ABLIM1: variants seen among roughly 807,000 people sequenced by gnomAD.
The protein encoded by ABLIM1 is actin-binding LIM protein 1.
In ABLIM1, 40 loss-of-function variants were observed where a neutral mutation model predicts 107.0. That is an observed-to-expected ratio of 0.37 (90% CI 0.29 to 0.49). The LOEUF is 0.49. ABLIM1 is among the 20% of genes least tolerant of loss of function. The pLI is 0.97. For missense variants in ABLIM1, 857 were observed against 1,008.5 expected (o/e 0.85, Z 2.04); for synonymous variants, 357 against 357.3 (o/e 1.00, Z 0.01).
chr10:114,798,013 T>C, the ABLIM1 span, among the ~76,000 whole-genome samples: 1 of 152,220 alleles, frequency 6.6e-6, no homozygotes, highest in Middle Eastern at 3.2e-3. Context: ...ACTTATTTGC[T>C]ATTTTACTAT....
intron 1 of ABLIM1, among the ~76,000 whole-genome samples, chr10:114,731,542 ACCTCC>A (rs2082074128): frequency 6.6e-6 from 1 of 151,360 alleles, no homozygotes; most frequent in Non-Finnish European, 1.5e-5. Flanking sequence ...GCTCACTGCA[ACCTCC>A]ACCTCCTAGG....
At chr10:114,617,256 C>CTTTT (rs780987027) in intron 1 of ABLIM1, among the ~76,000 whole-genome samples, 72 of 120,464 alleles carry the variant, frequency 6.0e-4, no homozygotes, top group Non-Finnish European at 9.0e-4. Context: ...TCACTACCTA[C>CTTTT]TTTTTTTTTT....
intron 8 of ABLIM1, among the ~76,000 whole-genome samples, chr10:114,483,161 T>G (rs1377539703): frequency 6.6e-6 from 1 of 152,194 alleles, no homozygotes; most frequent in Non-Finnish European, 1.5e-5. Context: ...AGGAACCCAG[T>G]ATCACGGGAC....
intron 1 of ABLIM1, chr10:114,690,501 C>A: frequency 6.6e-7 from 1 of 1,523,374 alleles, no homozygotes. Context: ...GCCCTTACAA[C>A]CAAATCCTTT....
In ABLIM1 at chr10:114,434,332, A is replaced by ACACACACAC. The variant is rs2059162219; in HGVS notation, c.*1927_*1928insGTGTGTGTG. 8.2e-6 allele frequency: 1 copy of ACACACACAC among 121,506 alleles called. No individual in the cohort carries two copies. Among genetic ancestry groups the ACACACACAC allele is most frequent in the African/African-American group, 3.1e-5 (1 of 31,860 alleles). The allele number at this position is 121,506 out of a possible 1,614,324, so 7.5% of individuals were successfully genotyped here. A position where few individuals can be genotyped will look rare whatever the true frequency, so the allele number is the denominator to read the frequency against. ...ACACACACACACACACACACACACG[A>ACACACACAC]GAGTAGTCCTCATTCAGTGCATAGC... On this transcript the variant is annotated 3_prime_UTR_variant, in exon 23 of 23. Transcript: ENST00000533213.
intron 17 of ABLIM1, among the ~76,000 whole-genome samples, chr10:114,441,997 G>A (rs1258923045): frequency 6.6e-6 from 1 of 152,126 alleles, no homozygotes; most frequent in Non-Finnish European, 1.5e-5. Flanking sequence ...TCAAGTCCAC[G>A]CGGTTGAGTG....
At chr10:114,734,956 C>T (rs903797435) in intron 1 of ABLIM1, among the ~76,000 whole-genome samples, 10 of 152,126 alleles carry the variant, frequency 6.6e-5, no homozygotes, top group Non-Finnish European at 1.5e-4. Flanking sequence ...TGAGAACATG[C>T]TACCTACACT....
At chr10:114,656,333 G>A (rs1299459313) in intron 1 of ABLIM1, among the ~76,000 whole-genome samples, 1 of 150,748 alleles carries the variant, frequency 6.6e-6, no homozygotes, top group Non-Finnish European at 1.5e-5. Context: ...TGGAGAAACT[G>A]GGACCTTAAT....
At chr10:114,533,272 TGGA>T (rs1261519002) in intron 6 of ABLIM1, among the ~76,000 whole-genome samples, 1 of 151,716 alleles carries the variant, frequency 6.6e-6, no homozygotes, top group Non-Finnish European at 1.5e-5. Flanking sequence ...ACCTGGGAGG[TGGA>T]GGTTGCACTG....
chr10:114,457,780 A>G (rs1418801090), intron 12 of ABLIM1, among the ~76,000 whole-genome samples: 1 of 152,242 alleles, frequency 6.6e-6, no homozygotes, highest in Admixed American at 6.5e-5. Flanking sequence ...GTTTAAAAAT[A>G]ATAGGCCGGG....
chr10:114,672,075 C>T lies in ABLIM1; in HGVS notation c.64+12215G>A, dbSNP rs183783571. On this transcript the variant is annotated intron_variant, in intron 1 of 23. Transcript: ENST00000369256. ...TTTAATTTTTTAGGATAGGATCTGG[C>T]TATGTTGCCCGGGCTGGTCTTGAAC... 2.6e-5 allele frequency among the ~76,000 whole-genome samples: 4 copies of T among 152,138 alleles called. No homozygotes were observed. In the East Asian group the frequency reaches 7.7e-4, roughly 29 times the overall value.
upstream of ABLIM1, among the ~76,000 whole-genome samples, chr10:114,689,723 T>C (rs76855924): frequency 0.022 from 3,282 of 152,112 alleles, 39 homozygotes; most frequent in Middle Eastern, 0.054. Context: ...CCTTTTTTTT[T>C]TCTCTTTATG....
At chr10:114,746,046 T>C (rs1218834880) in intron 1 of ABLIM1, among the ~76,000 whole-genome samples, 1 of 152,180 alleles carries the variant, frequency 6.6e-6, no homozygotes, top group East Asian at 1.9e-4. Context: ...GAATACAGTG[T>C]GGAAAGATTA....
chr10:114,664,740 C>T (rs1432537635), intron 1 of ABLIM1, among the ~76,000 whole-genome samples: 3 of 148,990 alleles, frequency 2.0e-5, no homozygotes, highest in Admixed American at 6.7e-5. Context: ...GATGGGGTTT[C>T]ACCATGTTGG....
At chr10:114,636,082 G>A (rs991488790) in intron 1 of ABLIM1, among the ~76,000 whole-genome samples, 1 of 152,314 alleles carries the variant, frequency 6.6e-6, no homozygotes, top group African/African-American at 2.4e-5. Context: ...TCAATGAAAT[G>A]AGGAAGGTAT....
intron 1 of ABLIM1, among the ~76,000 whole-genome samples, chr10:114,747,302 G>A (rs1207394733): frequency 6.6e-6 from 1 of 152,204 alleles, no homozygotes; most frequent in East Asian, 1.9e-4. Context: ...GGAATCTGGA[G>A]GCAGCTCCAC....
At chr10:114,472,221 C>T (rs1228936194) in intron 10 of ABLIM1, among the ~76,000 whole-genome samples, 1 of 152,180 alleles carries the variant, frequency 6.6e-6, no homozygotes, top group East Asian at 1.9e-4. Context: ...ATCACCCTAT[C>T]TGTTTTACAG....
chr10:114,605,387 T>C (rs1463199974), intron 1 of ABLIM1, among the ~76,000 whole-genome samples: 1 of 152,194 alleles, frequency 6.6e-6, no homozygotes, highest in Non-Finnish European at 1.5e-5. Context: ...ATCTGCCAAC[T>C]GGTTGTGCTG....
chr10:114,598,932 C>T (rs755010640), intron 2 of ABLIM1, among the ~76,000 whole-genome samples: 70 of 151,902 alleles, frequency 4.6e-4, no homozygotes, highest in Admixed American at 1.2e-3. Context: ...CATGATATTT[C>T]TACCTGAAGC....
Sources: gnomAD v4.1 joint callset for allele counts (sites outside exome capture counted in the v4.1 genomes callset) on GRCh38, gnomAD v4.1.1 for gene constraint, MANE v1.5 for transcripts, NCBI Gene and HGNC (gene_info 2026-07-23, HGNC 2026-07-21) for gene names.